Variants in ZNF44 observed in about 807,000 individuals in gnomAD.
ZNF44 encodes the protein zinc finger protein 44, also known as gonadotropin inducible transcription repressor-2.
A neutral mutation model predicts 11.7 loss-of-function variants in ZNF44; 9 were observed. That is an observed-to-expected ratio of 0.77 (90% CI 0.46 to 1.35). The LOEUF (loss-of-function observed/expected upper bound fraction) is 1.35, where lower values mean the gene tolerates loss of function less well. Among genes scored for constraint, ZNF44 ranks in the 40% most tolerant of loss-of-function variants. The probability of loss-of-function intolerance (pLI) is 0.00; values close to 1 mark genes in which losing one functional copy is unlikely to be tolerated. For synonymous variants in ZNF44, 224 were observed against 242.7 expected (o/e 0.92, Z 0.72); for missense variants, 696 against 743.1 (o/e 0.94, Z 0.74).
intron 5 of ZNF44, among the ~76,000 whole-genome samples, chr19:12,264,679 T>G (rs1599515822): frequency 6.6e-6 from 1 of 152,190 alleles, no homozygotes; most frequent in East Asian, 1.9e-4. Flanking sequence ...ACTAATAATG[T>G]AATCAATAGT....
At position 12,294,785 on chromosome 19, in the gene ZNF44, G is replaced by A; in HGVS notation, c.-91C>T. On this transcript the variant is annotated 5_prime_UTR_variant, in exon 1 of 4. It adds an upstream start codon to the 5' untranslated region. Coordinates refer to ENST00000355684, the MANE Select transcript of ZNF44 (RefSeq NM_016264.4). ...AAAGCCACCACAGATGTCCCAGGGC[G>A]TCTCTCAGTGACAGAATACGGAACA... 2.1e-6 allele frequency: 3 copies of A among 1,459,310 alleles called. No homozygotes were observed. Among genetic ancestry groups the A allele is most frequent in the South Asian group, 1.3e-5 (1 of 77,340 alleles). 90.4% of individuals were successfully genotyped at this position (1,459,310 alleles called of 1,614,324 possible). A position where few individuals can be genotyped will look rare whatever the true frequency, so the allele number is the denominator to read the frequency against.
In ZNF44 at chr19:12,255,091, AACACACACACACACACACACACAC is replaced by A. The variant is rs140940065; in HGVS notation, c.1913-4747_1913-4724del. 2.2e-4 allele frequency among the ~76,000 whole-genome samples: 32 copies of A among 145,736 alleles called. No homozygotes were observed. The South Asian group carries it at 2.4e-3, about 11-fold the overall frequency. ...GTGACAGAGTGAGACTCCGTCTCAA[AACACACACACACACACACACACAC>A]ACACACACACACACACACCCCTTTG... On this transcript the variant is annotated intron_variant and NMD_transcript_variant, in intron 5 of 7. Transcript: ENST00000393337.
chr19:12,242,665 T>TC (rs1916660100), downstream of ZNF44: 1 of 50,602 alleles, frequency 2.0e-5, no homozygotes, highest in Non-Finnish European at 4.2e-5. Flanking sequence ...ACCTTGTCTC[T>TC]CCAAAAAAAA....
chr19:12,228,130 TTAACCTGCC>T, intron 3 of ZNF44, among the ~76,000 whole-genome samples: 1 of 152,064 alleles, frequency 6.6e-6, no homozygotes, highest in African/African-American at 2.4e-5. Context: ...TCCTTTACAA[TTAACCTGCC>T]AAAACGTGCT....
chr19:12,252,957 G>GCACAAT (rs1428660731), intron 5 of ZNF44, among the ~76,000 whole-genome samples: 10 of 125,320 alleles, frequency 8.0e-5, no homozygotes, highest in Admixed American at 4.3e-4. Context: ...GCACAATCTT[G>GCACAAT]GCTCACTGCA....
chr19:12,273,796 G>A lies in ZNF44; in HGVS notation c.459C>T (p.Arg153=). ...HKQCGKGLSY[R]HSFQTCERPH... is the part of the protein sequence containing the mutation. The stretch of plus-strand genomic sequence containing the variant: ...GCCTTTCACATGTTTGAAAGGAGTG[G>A]CGATAACTTAAGCCTTTCCCACACT... The change falls in exon 4 of 4, where the codon CGC becomes CGT. Residue 153 remains arginine (R), a synonymous_variant. Coordinates refer to ENST00000355684, the MANE Select transcript of ZNF44 (RefSeq NM_016264.4). 6.2e-7 allele frequency: 1 copy of A among 1,614,042 alleles called. No individual in the cohort carries two copies. The highest frequency in any genetic ancestry group is 2.2e-5 in the East Asian group (1 of 44,864).
chr19:12,290,899 C>A (rs10426710), intron 1 of ZNF44: 34,105 of 172,392 alleles, frequency 0.2, 4,487 homozygotes, highest in African/African-American at 0.39. Context: ...CTCTCCACCC[C>A]AGTCAAGGCC....
At chr19:12,255,132 A>ACCCCC (rs59134952) in intron 5 of ZNF44, among the ~76,000 whole-genome samples, 5 of 145,084 alleles carry the variant, frequency 3.4e-5, no homozygotes, top group African/African-American at 1.3e-4. Context: ...ACACACACAC[A>ACCCCC]CCCCTTTGTG....
intron 1 of ZNF44, among the ~76,000 whole-genome samples, chr19:12,278,674 C>T (rs1329477941): frequency 6.6e-6 from 1 of 151,636 alleles, no homozygotes; most frequent in Non-Finnish European, 1.5e-5. Context: ...CTGCAGTGAA[C>T]CACGATTGTG....
At chr19:12,276,671 G>C (rs1967235366) in intron 1 of ZNF44, among the ~76,000 whole-genome samples, 1 of 152,206 alleles carries the variant, frequency 6.6e-6, no homozygotes, top group Non-Finnish European at 1.5e-5. Flanking sequence ...TGCTAGGTTT[G>C]AATGTCTTCC....
chr19:12,278,894 G>A (rs1258997722), intron 1 of ZNF44, among the ~76,000 whole-genome samples: 1 of 152,138 alleles, frequency 6.6e-6, no homozygotes, highest in Non-Finnish European at 1.5e-5. Context: ...AAGATGGGTG[G>A]GGATTCTGTT....
intron 5 of ZNF44, among the ~76,000 whole-genome samples, chr19:12,251,064 G>A (rs1344395110): frequency 6.6e-6 from 1 of 151,926 alleles, no homozygotes; most frequent in Non-Finnish European, 1.5e-5. Context: ...TGTCTTGGTG[G>A]CTCACACCTG....
intron 1 of ZNF44, among the ~76,000 whole-genome samples, chr19:12,289,834 T>C (rs1041422367): frequency 1.3e-5 from 2 of 151,884 alleles, no homozygotes; most frequent in Non-Finnish European, 1.5e-5. Flanking sequence ...GGTTTCACCA[T>C]GTTAGCCAGG....
intron 5 of ZNF44, among the ~76,000 whole-genome samples, chr19:12,253,033 G>A (rs1190950235): frequency 6.6e-6 from 1 of 151,558 alleles, no homozygotes; most frequent in Non-Finnish European, 1.5e-5. Context: ...GACTATGGGC[G>A]TGTGCCACCA....
At chr19:12,244,018 C>A (rs1357112361), downstream of ZNF44, among the ~76,000 whole-genome samples, 5 of 152,020 alleles carry the variant, frequency 3.3e-5, no homozygotes, top group African/African-American at 1.2e-4. Flanking sequence ...TTACCCCTTG[C>A]AGAAACCAGT....
Position 12,273,459 on chromosome 19 carries a change from T to G in ZNF44, c.796A>C (p.Ser266Arg). 2 of 1,614,152 alleles carry G rather than the reference T, an allele frequency of 1.2e-6. No homozygotes were observed. The highest frequency in any genetic ancestry group is 1.7e-6 in the Non-Finnish European group (2 of 1,180,024). The stretch of plus-strand genomic sequence containing the variant: ...GTTCTTTCATGTCTTAGATATGAAC[T>G]GTAATCAGGGAAGGCTTTAGAACAC... ...KQCSKAFPDY[S>R]SYLRHERTHT... The change falls in exon 4 of 4, where the codon AGT becomes CGT. Residue 266 changes from serine to arginine, a missense_variant. Transcript: ENST00000355684.
intron 1 of ZNF44, among the ~76,000 whole-genome samples, chr19:12,288,979 C>T (rs1967888118): frequency 6.6e-6 from 1 of 151,342 alleles, no homozygotes; most frequent in South Asian, 2.1e-4. Context: ...ACAGTTTTGC[C>T]TCTACTGATT....
chr19:12,276,494 A>G (rs2438529), intron 1 of ZNF44, among the ~76,000 whole-genome samples: 31,635 of 152,150 alleles, frequency 0.21, 4,307 homozygotes, highest in African/African-American at 0.39. Flanking sequence ...CGTGGTGTCT[A>G]GACAATGTAT....
At chr19:12,261,244 G>C (rs1346747084) in intron 5 of ZNF44, among the ~76,000 whole-genome samples, 2 of 152,210 alleles carry the variant, frequency 1.3e-5, no homozygotes, top group African/African-American at 4.8e-5. Flanking sequence ...TTCTCAGCTT[G>C]TCCAGAAGTA....
Sources: gnomAD v4.1 joint callset for allele counts (sites outside exome capture counted in the v4.1 genomes callset) on GRCh38, gnomAD v4.1.1 for gene constraint, MANE v1.5 for transcripts, NCBI Gene and HGNC (gene_info 2026-07-23, HGNC 2026-07-21) for gene names.